Variants in NLRP13 observed in about 807,000 individuals in gnomAD.
The protein encoded by NLRP13 is NLR family pyrin domain containing 13.
NLRP13 carries 82 observed loss-of-function variants against 94.4 expected under a neutral mutation model. That is an observed-to-expected ratio of 0.87 (90% CI 0.73 to 1.04). The LOEUF (loss-of-function observed/expected upper bound fraction) is 1.04. Ranked by LOEUF, NLRP13 falls within the 50% of genes least tolerant of loss-of-function variation. The pLI is 0.00. For missense variants in NLRP13, 1,426 were observed against 1,230.8 expected (o/e 1.16, Z -2.37); for synonymous variants, 553 against 464.7 (o/e 1.19, Z -2.45).
intron 3 of NLRP13, among the ~76,000 whole-genome samples, 196 bp from the exon 4 acceptor site, chr19:55,924,175 T>C (rs1986911884): frequency 6.6e-6 from 1 of 152,144 alleles, no homozygotes; most frequent in Non-Finnish European, 1.5e-5. Context: ...CACGCTAGAG[T>C]GCAGTGGTAC....
In NLRP13 at chr19:55,912,646, G is replaced by A. The variant is rs1986555914; in HGVS notation, c.1171C>T (p.Leu391=). ...AAGTGTCTCATGAAATATACCCGTA[G>A]GTCGTCCCCTGTGAACCCTGTAATT... ...VQITGFTGDD[L]RVYFMRHFDD... is the part of the protein sequence containing the mutation. The change falls in exon 5 of 11, where the codon CTA becomes TTA. Residue 391 remains leucine, a synonymous_variant. Coordinates refer to ENST00000342929, the MANE Select transcript of NLRP13 (RefSeq NM_176810.2). The A allele has an allele frequency of 4.3e-6, 7 of 1,614,180 alleles. No homozygotes were observed. The East Asian group carries it at 1.3e-4, about 31-fold the overall frequency.
intron 5 of NLRP13, among the ~76,000 whole-genome samples, chr19:55,911,245 T>C (rs1048082367): frequency 1.3e-5 from 2 of 152,206 alleles, no homozygotes; most frequent in Admixed American, 6.5e-5. Flanking sequence ...TTTTGTTTTG[T>C]TTTTGAGACA....
intron 2 of NLRP13, 70 bp downstream of exon 2, chr19:55,924,897 G>A (rs62128200): frequency 0.058 from 74,045 of 1,276,598 alleles, 2,584 homozygotes; most frequent in Non-Finnish European, 0.069. Flanking sequence ...AGTAGGCAGC[G>A]GATGTGGACC....
At chr19:55,926,324 G>C (rs1986964747) in intron 1 of NLRP13, among the ~76,000 whole-genome samples, 1 of 152,190 alleles carries the variant, frequency 6.6e-6, no homozygotes, top group African/African-American at 2.4e-5. Flanking sequence ...TGGCTGCAAA[G>C]AGAAAACAAA....
chr19:55,918,253 C>CAAAAA lies in NLRP13; in HGVS notation c.524-4965_524-4961dup, dbSNP rs34099048. Among the ~76,000 whole-genome samples the CAAAAA allele has an allele frequency of 6.1e-3, 793 of 130,722 alleles. 15 individuals carry two copies. Among genetic ancestry groups the CAAAAA allele is most frequent in the African/African-American group, 0.02 (713 of 34,850 alleles). 85.8% of individuals were successfully genotyped at this position (130,722 alleles called of 152,430 possible). ...ACATATCAAAACCTCTGTGATACAG[C>CAAAAA]AAAAAAAAAAAAAAAGTTTATAGCA... is the stretch of plus-strand genomic sequence containing the variant. On this transcript the variant is annotated intron_variant, in intron 4 of 10. Transcript: ENST00000342929.
At chr19:55,909,586 T>C (rs183635770) in intron 6 of NLRP13, among the ~76,000 whole-genome samples, 31 of 151,030 alleles carry the variant, frequency 2.1e-4, no homozygotes, top group Admixed American at 6.6e-4. Context: ...ATTTCTGTGG[T>C]GTAAATTCTC....
Position 55,911,863 on chromosome 19 carries a change from T to C in NLRP13, c.1954A>G (p.Lys652Glu), listed in dbSNP as rs1404259787. The change falls in exon 5 of 11, where the codon AAG (lysine) becomes GAG (glutamate). Residue 652 changes from lysine (K) to glutamate (E), a missense_variant. Physicochemically the swap from Lys to Glu is moderately conservative, Grantham distance 56. Transcript: ENST00000342929. ...TCAAAGATACGACCCAACATCTTCTTTGTGAAGTCTTCCTCCTGGGACTCG... is the reference window on the plus strand; with the variant it reads ...TCAAAGATACGACCCAACATCTTCTCTGTGAAGTCTTCCTCCTGGGACTCG... ...LHESQEEDFT[K>E]KMLGRIFEVD... 1 of 1,614,210 alleles carries C rather than the reference T, an allele frequency of 6.2e-7. No individual in the cohort carries two copies. Among genetic ancestry groups the C allele is most frequent in the Admixed American group, 1.7e-5 (1 of 60,016 alleles).
downstream of NLRP13, chr19:55,892,230 G>C (rs927000211): frequency 4.0e-5 from 30 of 753,690 alleles, no homozygotes; most frequent in Non-Finnish European, 4.7e-5. Flanking sequence ...TGGGTCTACT[G>C]TGTGGCATGA....
chr19:55,908,036 C>G, intron 6 of NLRP13, 80 bp from the exon 7 acceptor site: 1 of 1,294,990 alleles, frequency 7.7e-7, no homozygotes, highest in Non-Finnish European at 1.1e-6. Flanking sequence ...CTCACCCTGC[C>G]TTCTACTACA....
intron 6 of NLRP13, among the ~76,000 whole-genome samples, chr19:55,908,795 C>G (rs1986424068): frequency 6.6e-6 from 1 of 152,102 alleles, no homozygotes; most frequent in African/African-American, 2.4e-5. Context: ...GGCAGAGGAT[C>G]AGGAAAAATA....
intron 10 of NLRP13, among the ~76,000 whole-genome samples, chr19:55,896,534 A>AG (rs1986016239): frequency 6.9e-6 from 1 of 144,160 alleles, no homozygotes; most frequent in African/African-American, 2.6e-5. Context: ...AAAAAAAAAA[A>AG]AGGGCTGGGC....
chr19:55,930,543 G>A (rs146505659), intron 1 of NLRP13, among the ~76,000 whole-genome samples: 40 of 151,678 alleles, frequency 2.6e-4, no homozygotes, highest in African/African-American at 9.4e-4. Flanking sequence ...AAAATTAGCC[G>A]GGCATGGTGG....
chr19:55,925,259 C>T (rs779741586), intron 1 of NLRP13, among the ~76,000 whole-genome samples: 1 of 152,206 alleles, frequency 6.6e-6, no homozygotes, highest in Non-Finnish European at 1.5e-5. Context: ...GGCCTTGGCT[C>T]CAGCCCTCCC....
At chr19:55,892,578 C>T (rs1019297085), downstream of NLRP13, among the ~76,000 whole-genome samples, 6 of 152,036 alleles carry the variant, frequency 3.9e-5, no homozygotes, top group African/African-American at 9.7e-5. Context: ...CACACCACCA[C>T]GCCGGCTAAT....
chr19:55,907,473 G>A (rs1180665169), intron 7 of NLRP13, among the ~76,000 whole-genome samples: 1 of 152,186 alleles, frequency 6.6e-6, no homozygotes, highest in Non-Finnish European at 1.5e-5. Context: ...CTCGGGGGCT[G>A]CAGTGGGAGG....
chr19:55,897,418 G>T (rs1432734069), intron 10 of NLRP13, among the ~76,000 whole-genome samples: 10 of 152,068 alleles, frequency 6.6e-5, no homozygotes, highest in Non-Finnish European at 1.5e-4. Context: ...TACTCAGGAG[G>T]CTGAGGAGGA....
Position 55,911,851 on chromosome 19 carries a change from C to A in NLRP13, c.1966G>T (p.Gly656Cys). ...QEEDFTKKMLGRIFEVDLNIL... is the reference protein window; with the variant it reads ...QEEDFTKKMLCRIFEVDLNIL... The stretch of plus-strand genomic sequence containing the variant: ...TTAAGGTCAACTTCAAAGATACGAC[C>A]CAACATCTTCTTTGTGAAGTCTTCC... The change falls in exon 5 of 11, where the codon GGT becomes TGT. Residue 656 changes from glycine (G) to cysteine (C), a missense_variant. Gly to Cys is a radical substitution (Grantham distance 159). Transcript: ENST00000342929. 6.2e-7 allele frequency: 1 copy of A among 1,614,152 alleles called. No homozygotes were observed. The highest frequency in any genetic ancestry group is 1.6e-4 in the Middle Eastern group (1 of 6,062).
chr19:55,916,047 C>A (rs1986666422), intron 4 of NLRP13, among the ~76,000 whole-genome samples: 1 of 152,154 alleles, frequency 6.6e-6, no homozygotes, highest in Non-Finnish European at 1.5e-5. Context: ...CACAGGAGAC[C>A]AAGAGCCTAC....
chr19:55,917,917 G>C (rs894324167), intron 4 of NLRP13, among the ~76,000 whole-genome samples: 1 of 151,950 alleles, frequency 6.6e-6, no homozygotes, highest in Non-Finnish European at 1.5e-5. Flanking sequence ...AAATGAAACT[G>C]ACACACATTT....
Sources: allele counts gnomAD v4.1 joint callset (sites outside exome capture counted in the v4.1 genomes callset), GRCh38; gene constraint gnomAD v4.1.1; transcripts MANE v1.5; gene names NCBI Gene and HGNC (gene_info 2026-07-23, HGNC 2026-07-21).